The following KCNMB2 variants were observed in gnomAD, a reference collection of about 807,000 sequenced individuals.
The protein encoded by KCNMB2 is calcium-activated potassium channel subunit beta-2.
KCNMB2 carries 9 observed loss-of-function variants against 24.5 expected under a neutral mutation model. That is an observed-to-expected ratio of 0.37 (90% CI 0.22 to 0.64). The LOEUF (loss-of-function observed/expected upper bound fraction) is 0.64, where lower values mean the gene tolerates loss of function less well. KCNMB2 is among the 30% of genes least tolerant of loss of function. The pLI is 0.63. For synonymous variants in KCNMB2, 109 were observed against 104.4 expected (o/e 1.04, Z -0.27); for missense variants, 226 against 284.3 (o/e 0.79, Z 1.47).
At chr3:178,827,225 C>G (rs9882015) in intron 3 of KCNMB2, among the ~76,000 whole-genome samples, 1 of 152,108 alleles carries the variant, frequency 6.6e-6, no homozygotes, top group African/African-American at 2.4e-5. Context: ...TAATCTTGAT[C>G]ATAAAATTAA....
intron 1 of KCNMB2, among the ~76,000 whole-genome samples, chr3:178,739,728 C>T (rs547342122): frequency 6.6e-5 from 10 of 152,230 alleles, no homozygotes; most frequent in South Asian, 6.2e-4. Flanking sequence ...CAATCTCTAA[C>T]GCTTACTGGG....
At chr3:178,634,133 T>G (rs1560140836) in intron 1 of KCNMB2, among the ~76,000 whole-genome samples, 1 of 152,194 alleles carries the variant, frequency 6.6e-6, no homozygotes, top group Non-Finnish European at 1.5e-5. Flanking sequence ...TTCTGAGCCC[T>G]CCAAGTCTCT....
chr3:178,624,812 CAG>C (rs1719052370), intron 1 of KCNMB2, among the ~76,000 whole-genome samples: 1 of 151,730 alleles, frequency 6.6e-6, no homozygotes, highest in South Asian at 2.1e-4. Flanking sequence ...TCCCGAGTGA[CAG>C]AGGTGTGGGT....
intron 1 of KCNMB2, among the ~76,000 whole-genome samples, chr3:178,683,488 T>A (rs957827638): frequency 8.5e-5 from 13 of 152,286 alleles, no homozygotes; most frequent in Admixed American, 7.8e-4. Flanking sequence ...AAAAGTTGAA[T>A]AAATACATGA....
chr3:178,838,906 TA>T (rs774065094), intron 4 of KCNMB2, among the ~76,000 whole-genome samples: 3 of 151,972 alleles, frequency 2.0e-5, no homozygotes, highest in Admixed American at 6.6e-5. Flanking sequence ...GTGAGTTTTA[TA>T]AAAAAAATAA....
intron 1 of KCNMB2, among the ~76,000 whole-genome samples, chr3:178,785,586 G>A (rs547226985): frequency 6.6e-6 from 1 of 151,928 alleles, no homozygotes; most frequent in South Asian, 2.1e-4. Context: ...GCACAATAGT[G>A]GTTATCCCTG....
At chr3:178,809,460 G>A (rs1173904147) in intron 2 of KCNMB2, among the ~76,000 whole-genome samples, 1 of 152,150 alleles carries the variant, frequency 6.6e-6, no homozygotes, top group Non-Finnish European at 1.5e-5. Flanking sequence ...CACAGATGAG[G>A]AAACTGAGGC....
chr3:178,807,891 T>C (rs1714037650), intron 2 of KCNMB2, among the ~76,000 whole-genome samples: 1 of 151,730 alleles, frequency 6.6e-6, no homozygotes, highest in African/African-American at 2.4e-5. Context: ...TGAATTAATT[T>C]TATTAACAAC....
At chr3:178,819,400 G>A (rs1054191049) in intron 2 of KCNMB2, among the ~76,000 whole-genome samples, 5 of 152,008 alleles carry the variant, frequency 3.3e-5, no homozygotes, top group Admixed American at 6.6e-5. Context: ...ACTCCACTCC[G>A]TCTCACTCTC....
At chr3:178,739,896 C>T (rs1214025879) in intron 1 of KCNMB2, among the ~76,000 whole-genome samples, 1 of 152,120 alleles carries the variant, frequency 6.6e-6, no homozygotes, top group Non-Finnish European at 1.5e-5. Context: ...CCCAGGAAAA[C>T]CAGAACACAG....
intron 1 of KCNMB2, among the ~76,000 whole-genome samples, chr3:178,662,891 TAATTGGGTCATCC>T (rs1487172301): frequency 6.6e-6 from 1 of 152,186 alleles, no homozygotes; most frequent in African/African-American, 2.4e-5. Context: ...AGAAGTTCAG[TAATTGGGTCATCC>T]AATGTATCAG....
At chr3:178,664,825 A>C (rs896518847) in intron 1 of KCNMB2, among the ~76,000 whole-genome samples, 2 of 152,126 alleles carry the variant, frequency 1.3e-5, no homozygotes, top group African/African-American at 4.8e-5. Context: ...AGTTCTATTG[A>C]CATAATTATA....
At chr3:178,825,880 C>A in intron 3 of KCNMB2, 122 bp downstream of exon 3, 1 of 679,280 alleles carries the variant, frequency 1.5e-6, no homozygotes, top group Non-Finnish European at 2.5e-6. Flanking sequence ...TGAGAAGTTC[C>A]TGGTAAATAA....
At chr3:178,672,435 T>C (rs892886007) in intron 1 of KCNMB2, among the ~76,000 whole-genome samples, 2 of 152,142 alleles carry the variant, frequency 1.3e-5, no homozygotes, top group East Asian at 1.9e-4. Flanking sequence ...GTAACAAATA[T>C]CTATTGAGCA....
intron 1 of KCNMB2, among the ~76,000 whole-genome samples, chr3:178,758,007 A>AAGAG (rs1474645161): frequency 1.2e-3 from 2 of 1,656 alleles, no homozygotes; most frequent in Non-Finnish European, 2.9e-3. Context: ...ATCTAGATAT[A>AAGAG]TATATATATA....
intron 1 of KCNMB2, among the ~76,000 whole-genome samples, chr3:178,806,680 A>G (rs1713981539): frequency 8.9e-6 from 1 of 111,780 alleles, no homozygotes; most frequent in African/African-American, 5.1e-5. Context: ...CCCAAAGCCA[A>G]GTCATAATAA....
intron 1 of KCNMB2, among the ~76,000 whole-genome samples, chr3:178,790,993 C>G (rs974530588): frequency 6.6e-6 from 1 of 152,144 alleles, no homozygotes; most frequent in Admixed American, 6.5e-5. Context: ...AAAGCCTTCC[C>G]AAGAAGGACA....
At chr3:178,799,681 C>T (rs2108446730) in intron 1 of KCNMB2, among the ~76,000 whole-genome samples, 1 of 151,978 alleles carries the variant, frequency 6.6e-6, no homozygotes, top group East Asian at 1.9e-4. Flanking sequence ...AATGATCCTA[C>T]AATTTATATG....
chr3:178,538,942 A>G (rs2108444642), intron 1 of KCNMB2, among the ~76,000 whole-genome samples: 1 of 152,308 alleles, frequency 6.6e-6, no homozygotes, highest in East Asian at 1.9e-4. Context: ...TCTAGTAATA[A>G]AAAACAAACA....
Sources: allele counts gnomAD v4.1 joint callset (sites outside exome capture counted in the v4.1 genomes callset), GRCh38; gene constraint gnomAD v4.1.1; transcripts MANE v1.5; gene names NCBI Gene and HGNC (gene_info 2026-07-23, HGNC 2026-07-21).